MICU2: variants seen among roughly 807,000 people sequenced by gnomAD.
MICU2 encodes calcium uptake protein 2, mitochondrial.
MICU2 carries 64 observed loss-of-function variants against 60.4 expected under a neutral mutation model. The ratio of observed to expected loss-of-function variants is 1.06; its 90% CI spans 0.87 to 1.31. The LOEUF is 1.31. Among genes scored for constraint, MICU2 ranks in the 50% most tolerant of loss-of-function variants. The probability of loss-of-function intolerance (pLI) is 0.00; values close to 1 mark genes in which losing one functional copy is unlikely to be tolerated. For synonymous variants in MICU2, 201 were observed against 175.0 expected (o/e 1.15, Z -1.17); for missense variants, 569 against 531.0 (o/e 1.07, Z -0.70).
At chr13:21,536,185 T>A (rs1036996454) in intron 4 of MICU2, among the ~76,000 whole-genome samples, 4 of 152,108 alleles carry the variant, frequency 2.6e-5, no homozygotes, top group Non-Finnish European at 5.9e-5. Flanking sequence ...ATAATGAAAG[T>A]CCACTAAATA....
Position 21,544,516 on chromosome 13 carries a change from G to GAAAAA in MICU2, c.359-4833_359-4829dup, listed in dbSNP as rs10628955. Among the ~76,000 whole-genome samples, 47 of 77,356 alleles carry GAAAAA rather than the reference G, an allele frequency of 6.1e-4. 3 individuals are homozygous for GAAAAA. The highest frequency in any genetic ancestry group is 6.6e-4 in the Non-Finnish European group (27 of 40,770). The allele number at this position is 77,356 out of a possible 152,430, so 50.7% of individuals were successfully genotyped here. A position where few individuals can be genotyped will look rare whatever the true frequency, so the allele number is the denominator to read the frequency against. On this transcript the variant is annotated intron_variant, in intron 2 of 11. Transcript: ENST00000382374. ...CATACAAAATGACCAATAAACACAT[G>GAAAAA]AAAAAAAAAAAAAAAAAACTCAATA... is the stretch of plus-strand genomic sequence containing the variant.
At chr13:21,533,886 CTT>C in intron 4 of MICU2, among the ~76,000 whole-genome samples, 1 of 152,012 alleles carries the variant, frequency 6.6e-6, no homozygotes, top group East Asian at 1.9e-4. Flanking sequence ...TCTAGTATAT[CTT>C]AGAAATAATT....
intron 6 of MICU2, chr13:21,515,514 G>C (rs934771597): frequency 2.3e-6 from 1 of 429,942 alleles, no homozygotes; most frequent in Non-Finnish European, 4.7e-6. Flanking sequence ...CTTTGAAATT[G>C]AGTACATTAA....
chr13:21,536,268 T>C (rs1191207655), intron 4 of MICU2, among the ~76,000 whole-genome samples: 1 of 152,240 alleles, frequency 6.6e-6, no homozygotes, highest in East Asian at 1.9e-4. Flanking sequence ...TATGGAGTTA[T>C]TATACCTTTG....
intron 4 of MICU2, among the ~76,000 whole-genome samples, chr13:21,538,508 G>C (rs1887190841): frequency 1.4e-5 from 2 of 140,750 alleles, no homozygotes; most frequent in African/African-American, 2.6e-5. Flanking sequence ...ACGCTGCCGG[G>C]AGCTATGACT....
chr13:21,579,721 C>G (rs1888306028), intron 1 of MICU2, among the ~76,000 whole-genome samples: 1 of 152,122 alleles, frequency 6.6e-6, no homozygotes. Flanking sequence ...CAAAGTCTCC[C>G]TTTCTGCTTT....
chr13:21,528,813 C>T (rs988724202), intron 4 of MICU2, among the ~76,000 whole-genome samples: 2 of 152,174 alleles, frequency 1.3e-5, no homozygotes, highest in African/African-American at 4.8e-5. Flanking sequence ...GGGAACAATT[C>T]TTTCTACTGA....
At chr13:21,509,495 G>A (rs1184582805) in intron 8 of MICU2, among the ~76,000 whole-genome samples, 2 of 152,174 alleles carry the variant, frequency 1.3e-5, no homozygotes, top group Non-Finnish European at 1.5e-5. Flanking sequence ...TAGAGAATGA[G>A]AGACTACATG....
intron 6 of MICU2, among the ~76,000 whole-genome samples, chr13:21,514,751 A>C (rs1367426299): frequency 1.3e-5 from 2 of 150,694 alleles, no homozygotes; most frequent in East Asian, 3.9e-4. Context: ...CGTGTTAGCC[A>C]GGATGGTCTC....
At chr13:21,548,663 T>A (rs913914028) in intron 2 of MICU2, among the ~76,000 whole-genome samples, 1 of 152,180 alleles carries the variant, frequency 6.6e-6, no homozygotes, top group Non-Finnish European at 1.5e-5. Context: ...TGTCTCCAGG[T>A]CCTGTTTGAC....
chr13:21,498,855 T>TAA (rs113568454), intron 9 of MICU2, among the ~76,000 whole-genome samples: 5,643 of 151,908 alleles, frequency 0.037, 353 homozygotes, highest in African/African-American at 0.13. Flanking sequence ...TCAGCACAAA[T>TAA]AAGAGTGGCT....
chr13:21,524,395 T>C (rs1383938765), intron 4 of MICU2, among the ~76,000 whole-genome samples: 1 of 152,136 alleles, frequency 6.6e-6, no homozygotes, highest in South Asian at 2.1e-4. Context: ...TATCATTTCA[T>C]AGTAAAAAAT....
At chr13:21,550,416 T>C (rs950291475) in intron 2 of MICU2, among the ~76,000 whole-genome samples, 10 of 152,178 alleles carry the variant, frequency 6.6e-5, no homozygotes, top group Non-Finnish European at 1.5e-4. Context: ...CATGTGCCTG[T>C]AGTCCCAGCT....
At chr13:21,545,204 T>C (rs1887385798) in intron 2 of MICU2, among the ~76,000 whole-genome samples, 1 of 151,852 alleles carries the variant, frequency 6.6e-6, no homozygotes, top group African/African-American at 2.4e-5. Context: ...CAACAACAGA[T>C]GAAGAACAGA....
At chr13:21,543,744 A>C (rs1352470437) in intron 2 of MICU2, among the ~76,000 whole-genome samples, 2 of 152,296 alleles carry the variant, frequency 1.3e-5, no homozygotes, top group East Asian at 3.9e-4. Flanking sequence ...ACACTATCCA[A>C]AGTGATCTAT....
At chr13:21,546,070 A>C (rs149526058) in intron 2 of MICU2, among the ~76,000 whole-genome samples, 47 of 152,358 alleles carry the variant, frequency 3.1e-4, no homozygotes, top group African/African-American at 1.1e-3. Flanking sequence ...GTGGTAACTG[A>C]AGAAAAAAAG....
At chr13:21,554,324 C>T (rs1887649142) in intron 2 of MICU2, among the ~76,000 whole-genome samples, 1 of 152,136 alleles carries the variant, frequency 6.6e-6, no homozygotes, top group South Asian at 2.1e-4. Flanking sequence ...GAAATTATAA[C>T]AAACTGTCTC....
intron 9 of MICU2, among the ~76,000 whole-genome samples, chr13:21,496,882 C>CT: frequency 6.6e-6 from 1 of 152,010 alleles, no homozygotes; most frequent in Admixed American, 6.5e-5. Context: ...CATGAAATCC[C>CT]TTCTCTACTA....
intron 1 of MICU2, among the ~76,000 whole-genome samples, chr13:21,571,369 C>A (rs1888104298): frequency 6.6e-6 from 1 of 152,064 alleles, no homozygotes; most frequent in Admixed American, 6.6e-5. Flanking sequence ...GAGACCCTGT[C>A]TCTATAAAAA....
Sources: gnomAD v4.1 joint callset for allele counts (sites outside exome capture counted in the v4.1 genomes callset) on GRCh38, gnomAD v4.1.1 for gene constraint, MANE v1.5 for transcripts, NCBI Gene and HGNC (gene_info 2026-07-23, HGNC 2026-07-21) for gene names.